The following GRM8 variants were observed in gnomAD, a reference collection of about 807,000 sequenced individuals.
GRM8 encodes the protein metabotropic glutamate receptor 8.
A neutral mutation model predicts 87.2 loss-of-function variants in GRM8; 47 were observed. That is an observed-to-expected ratio of 0.54 (90% confidence interval 0.43 to 0.69). The LOEUF is 0.69. GRM8 is among the 30% of genes least tolerant of loss of function. The probability of loss-of-function intolerance (pLI) is 0.00; values close to 1 mark genes in which losing one functional copy is unlikely to be tolerated. For missense variants in GRM8, 1,019 were observed against 1,139.2 expected (o/e 0.89, Z 1.52); for synonymous variants, 396 against 404.5 (o/e 0.98, Z 0.25).
intron 8 of GRM8, among the ~76,000 whole-genome samples, chr7:126,595,614 A>C (rs1420614737): frequency 6.6e-6 from 1 of 151,756 alleles, no homozygotes; most frequent in Non-Finnish European, 1.5e-5. Context: ...TTTGGTGTAC[A>C]TATTATTTTG....
intron 2 of GRM8, among the ~76,000 whole-genome samples, chr7:127,206,783 A>T (rs1414206390): frequency 6.6e-6 from 1 of 152,232 alleles, no homozygotes; most frequent in Non-Finnish European, 1.5e-5. Flanking sequence ...CCTCTGTGCA[A>T]AAACACTAAA....
intron 5 of GRM8, among the ~76,000 whole-genome samples, chr7:126,903,005 T>C (rs1292195169): frequency 6.6e-6 from 1 of 152,192 alleles, no homozygotes; most frequent in Non-Finnish European, 1.5e-5. Flanking sequence ...GACTTCATGC[T>C]GAATCCTGAA....
At chr7:126,599,233 C>T (rs1250104605) in intron 8 of GRM8, among the ~76,000 whole-genome samples, 3 of 152,076 alleles carry the variant, frequency 2.0e-5, no homozygotes, top group Non-Finnish European at 2.9e-5. Context: ...TCCTCTTGCT[C>T]CTGTGTGTAA....
At chr7:127,172,835 T>C (rs191519519) in intron 2 of GRM8, among the ~76,000 whole-genome samples, 1 of 152,224 alleles carries the variant, frequency 6.6e-6, no homozygotes. Flanking sequence ...TAAAACGTTA[T>C]GTGCTCTGAG....
At chr7:126,985,260 G>T (rs1811938508) in intron 3 of GRM8, among the ~76,000 whole-genome samples, 1 of 152,148 alleles carries the variant, frequency 6.6e-6, no homozygotes, top group Non-Finnish European at 1.5e-5. Flanking sequence ...ATTAGTCACA[G>T]AATGTCTTTC....
intron 2 of GRM8, among the ~76,000 whole-genome samples, chr7:127,133,582 T>C (rs189888526): frequency 1.6e-4 from 24 of 151,530 alleles, no homozygotes; most frequent in Non-Finnish European, 3.2e-4. Flanking sequence ...GGCAGGCGCC[T>C]GTAATCTCAG....
chr7:126,915,686 T>C (rs576309817), intron 3 of GRM8, among the ~76,000 whole-genome samples: 21 of 151,476 alleles, frequency 1.4e-4, no homozygotes, highest in African/African-American at 4.9e-4. Flanking sequence ...GAAAGAAATA[T>C]AAAAGAAGAG....
intron 3 of GRM8, among the ~76,000 whole-genome samples, chr7:127,072,693 A>T (rs2132692578): frequency 6.6e-6 from 1 of 151,766 alleles, no homozygotes; most frequent in South Asian, 2.1e-4. Flanking sequence ...AAAAATATTA[A>T]TTCAGTAAGA....
chr7:127,116,192 C>G (rs1027538522), intron 2 of GRM8, among the ~76,000 whole-genome samples: 86 of 152,158 alleles, frequency 5.7e-4, no homozygotes, highest in African/African-American at 2.1e-3. Context: ...TCCTTATCTT[C>G]AATTTTGCCT....
At chr7:127,246,133 G>T (rs531723358) in intron 1 of GRM8, among the ~76,000 whole-genome samples, 38 of 152,234 alleles carry the variant, frequency 2.5e-4, no homozygotes, top group African/African-American at 8.7e-4. Context: ...ACTGCCAGAA[G>T]GTTTAGTTTC....
intron 2 of GRM8, among the ~76,000 whole-genome samples, chr7:127,185,895 CT>C (rs1233130573): frequency 6.6e-6 from 1 of 152,064 alleles, no homozygotes; most frequent in Non-Finnish European, 1.5e-5. Context: ...CATCCTCTTT[CT>C]CATTAAGTAT....
chr7:127,119,747 T>C (rs988465316), intron 2 of GRM8, among the ~76,000 whole-genome samples: 1 of 152,170 alleles, frequency 6.6e-6, no homozygotes, highest in African/African-American at 2.4e-5. Context: ...TCAACAAGTA[T>C]TTGTTAAGCA....
chr7:126,754,544 C>T (rs544722812), intron 7 of GRM8, among the ~76,000 whole-genome samples: 92 of 151,956 alleles, frequency 6.1e-4, no homozygotes, highest in South Asian at 2.3e-3. Flanking sequence ...AGATATGAAG[C>T]AATTCAAAAT....
At chr7:127,005,906 A>C (rs1237674616) in intron 3 of GRM8, among the ~76,000 whole-genome samples, 1 of 151,848 alleles carries the variant, frequency 6.6e-6, no homozygotes, top group East Asian at 1.9e-4. Context: ...TTATGACCAC[A>C]AATCTTAGAA....
intron 6 of GRM8, among the ~76,000 whole-genome samples, chr7:126,801,204 T>C (rs1033445978): frequency 3.9e-5 from 6 of 152,150 alleles, no homozygotes; most frequent in African/African-American, 4.8e-5. Flanking sequence ...ATAGTATAAG[T>C]TGATTCCCAT....
chr7:126,646,323 AAAGG>A (rs1229174369), intron 7 of GRM8, among the ~76,000 whole-genome samples: 2 of 96,688 alleles, frequency 2.1e-5, no homozygotes, highest in Admixed American at 2.1e-4. Flanking sequence ...AGGAAGGAAG[AAAGG>A]AAGGAAGGAA....
At chr7:126,467,881 T>A (rs1309864871) in intron 9 of GRM8, among the ~76,000 whole-genome samples, 1 of 152,078 alleles carries the variant, frequency 6.6e-6, no homozygotes, top group Non-Finnish European at 1.5e-5. Flanking sequence ...CTCAATAAAC[T>A]TCCATTTACC....
chr7:126,930,445 A>G (rs1484691035), intron 3 of GRM8, among the ~76,000 whole-genome samples: 1 of 152,224 alleles, frequency 6.6e-6, no homozygotes, highest in Non-Finnish European at 1.5e-5. Flanking sequence ...TTGGGAGGAC[A>G]CACTGCTCTG....
chr7:126,868,206 AAAC>A (rs1311634213), intron 6 of GRM8, among the ~76,000 whole-genome samples: 1 of 152,228 alleles, frequency 6.6e-6, no homozygotes, highest in East Asian at 1.9e-4. Flanking sequence ...TGCCCAGAGT[AAAC>A]AACACTACTG....
Sources: gnomAD v4.1 joint callset for allele counts (sites outside exome capture counted in the v4.1 genomes callset) on GRCh38, gnomAD v4.1.1 for gene constraint, MANE v1.5 for transcripts, NCBI Gene and HGNC (gene_info 2026-07-23, HGNC 2026-07-21) for gene names.